The following NEK11 variants were observed in gnomAD, a reference collection of about 807,000 sequenced individuals.
NEK11 encodes NIMA related kinase 11, also known as serine/threonine-protein kinase Nek11.
NEK11 carries 72 observed loss-of-function variants against 80.7 expected under a neutral mutation model. The ratio of observed to expected loss-of-function variants is 0.89; its 90% confidence interval spans 0.74 to 1.08. The LOEUF (loss-of-function observed/expected upper bound fraction) is 1.08, where lower values mean the gene tolerates loss of function less well. NEK11 is among the 50% of genes least tolerant of loss of function. The probability of loss-of-function intolerance (pLI) is 0.00; values close to 1 mark genes in which losing one functional copy is unlikely to be tolerated. For synonymous variants in NEK11, 251 were observed against 260.7 expected, an observed-to-expected ratio of 0.96 and a Z score of 0.36; for missense variants, 764 against 763.6, an observed-to-expected ratio of 1.00 and a Z score of -0.01.
intron 17 of NEK11, among the ~76,000 whole-genome samples, chr3:131,339,837 T>C (rs1342146541): frequency 6.6e-6 from 1 of 152,140 alleles, no homozygotes; most frequent in Non-Finnish European, 1.5e-5. Context: ...CTTGAACTGG[T>C]GTAGGTGGAG....
chr3:131,115,931 T>TTTCC (rs2081011801), intron 5 of NEK11, among the ~76,000 whole-genome samples: 3 of 113,140 alleles, frequency 2.7e-5, no homozygotes, highest in Admixed American at 9.0e-5. Flanking sequence ...TCTTTCTTTC[T>TTTCC]TTCTTTCTTT....
chr3:131,160,412 A>G (rs1387643883), intron 10 of NEK11, among the ~76,000 whole-genome samples: 18 of 152,218 alleles, frequency 1.2e-4, no homozygotes, highest in Non-Finnish European at 7.3e-5. Flanking sequence ...CTGCCTTATA[A>G]GACCTCCTGA....
At chr3:131,257,984 C>T (rs1475007861) in intron 16 of NEK11, among the ~76,000 whole-genome samples, 1 of 151,960 alleles carries the variant, frequency 6.6e-6, no homozygotes, top group African/African-American at 2.4e-5. Context: ...CACTACTCAT[C>T]CATAAAAAAG....
chr3:131,302,577 T>C (rs1404977956), intron 17 of NEK11, among the ~76,000 whole-genome samples: 1 of 152,206 alleles, frequency 6.6e-6, no homozygotes, highest in East Asian at 1.9e-4. Flanking sequence ...TTCAAAGAAT[T>C]TCTTGATGTC....
chr3:131,129,422 A>G (rs1160153085), intron 5 of NEK11, among the ~76,000 whole-genome samples: 1 of 152,060 alleles, frequency 6.6e-6, no homozygotes, highest in African/African-American at 2.4e-5. Flanking sequence ...TTATTCCTTG[A>G]CAGTGTTTTC....
At chr3:131,136,544 T>A (rs1057019741) in intron 7 of NEK11, among the ~76,000 whole-genome samples, 1 of 152,174 alleles carries the variant, frequency 6.6e-6, no homozygotes, top group Non-Finnish European at 1.5e-5. Flanking sequence ...TAAAGGAGAA[T>A]TTGCTTAAAG....
chr3:131,179,290 T>A (rs2150146827), intron 14 of NEK11, among the ~76,000 whole-genome samples: 1 of 152,330 alleles, frequency 6.6e-6, no homozygotes, highest in Middle Eastern at 3.4e-3. Flanking sequence ...ATGTTCTTTA[T>A]AAATTACCCA....
At chr3:131,198,037 A>C (rs2094092105) in intron 14 of NEK11, among the ~76,000 whole-genome samples, 1 of 152,054 alleles carries the variant, frequency 6.6e-6, no homozygotes, top group Non-Finnish European at 1.5e-5. Context: ...CTTTCTCTCC[A>C]TATTGCTGCA....
chr3:131,226,027 A>C (rs2095182780), intron 14 of NEK11, among the ~76,000 whole-genome samples: 1 of 152,224 alleles, frequency 6.6e-6, no homozygotes, highest in South Asian at 2.1e-4. Context: ...AGGGAAAAAT[A>C]TGAATGAGTG....
chr3:131,163,057 T>TA (rs1387211589), intron 11 of NEK11, among the ~76,000 whole-genome samples: 2 of 152,148 alleles, frequency 1.3e-5, no homozygotes, highest in African/African-American at 4.8e-5. Context: ...CACTAGTAAT[T>TA]AGAGTATTTA....
chr3:131,184,618 A>G (rs1446739194), intron 14 of NEK11: 1 of 350,770 alleles, frequency 2.9e-6, no homozygotes, highest in East Asian at 4.1e-5. Flanking sequence ...CAGTTGGGGA[A>G]GCAGTAGAAT....
At chr3:131,340,603 GT>G (rs2097269441) in intron 17 of NEK11, among the ~76,000 whole-genome samples, 1 of 152,160 alleles carries the variant, frequency 6.6e-6, no homozygotes, top group South Asian at 2.1e-4. Context: ...GTGTTTAATA[GT>G]TTTTCATCAG....
chr3:131,175,142 G>A, intron 14 of NEK11: 1 of 992,654 alleles, frequency 1.0e-6, no homozygotes, highest in Non-Finnish European at 1.2e-6. Context: ...AATTAAATAT[G>A]TTATGTTTTT....
chr3:131,344,878 CA>C (rs1176676519), intron 17 of NEK11, among the ~76,000 whole-genome samples: 1 of 152,186 alleles, frequency 6.6e-6, no homozygotes, highest in Non-Finnish European at 1.5e-5. Flanking sequence ...TCCCAAGACC[CA>C]AACACCTACC....
At chr3:131,169,405 G>A (rs761346598) in intron 13 of NEK11, among the ~76,000 whole-genome samples, 5 of 152,220 alleles carry the variant, frequency 3.3e-5, no homozygotes, top group Admixed American at 2.0e-4. Context: ...TTTGAGGCAT[G>A]TAGAGAGAGT....
At chr3:131,053,855 T>G (rs908600662) in intron 3 of NEK11, 1 of 152,216 alleles carries the variant, frequency 6.6e-6, no homozygotes, top group African/African-American at 2.4e-5. Context: ...AATATTTACA[T>G]TTGACAAAAA....
intron 14 of NEK11, among the ~76,000 whole-genome samples, chr3:131,179,596 A>G (rs1400595085): frequency 1.3e-5 from 2 of 152,248 alleles, no homozygotes; most frequent in African/African-American, 4.8e-5. Context: ...TATTATAAAT[A>G]GAAATTTATC....
At chr3:131,127,910 G>T (rs1293237977) in intron 5 of NEK11, among the ~76,000 whole-genome samples, 7 of 152,144 alleles carry the variant, frequency 4.6e-5, no homozygotes, top group Admixed American at 4.6e-4. Flanking sequence ...CAGCTGAAGG[G>T]TTTAGTTTTT....
intron 16 of NEK11, among the ~76,000 whole-genome samples, chr3:131,258,822 G>A (rs1192765376): frequency 6.6e-6 from 1 of 152,062 alleles, no homozygotes; most frequent in Non-Finnish European, 1.5e-5. Flanking sequence ...TAAGTAGCAA[G>A]TTTGCTTTTC....
Sources: gnomAD v4.1 joint callset for allele counts (sites outside exome capture counted in the v4.1 genomes callset) on GRCh38, gnomAD v4.1.1 for gene constraint, MANE v1.5 for transcripts, NCBI Gene and HGNC (gene_info 2026-07-23, HGNC 2026-07-21) for gene names.